The following ASNS variants were observed in gnomAD, a reference collection of about 807,000 sequenced individuals.
ASNS encodes the protein asparagine synthetase (glutamine-hydrolyzing).
In ASNS, 37 loss-of-function variants were observed where a neutral mutation model predicts 62.6. The observed-to-expected ratio is 0.59, with a 90% confidence interval of 0.45 to 0.78. The LOEUF (loss-of-function observed/expected upper bound fraction) is 0.78, where lower values mean the gene tolerates loss of function less well. Ranked by LOEUF, ASNS falls within the 30% of genes least tolerant of loss-of-function variation. The probability of loss-of-function intolerance (pLI) is 0.00; values close to 1 mark genes in which losing one functional copy is unlikely to be tolerated. For missense variants in ASNS, 520 were observed against 682.4 expected, an observed-to-expected ratio of 0.76 and a Z score of 2.65; for synonymous variants, 207 against 237.9, an observed-to-expected ratio of 0.87 and a Z score of 1.19.
the ASNS span, among the ~76,000 whole-genome samples, chr7:97,927,717 C>G: frequency 1.3e-5 from 2 of 152,272 alleles, no homozygotes; most frequent in East Asian, 1.9e-4. Flanking sequence ...TTTCCGTGAT[C>G]GGCCCTGGAA....
the ASNS span, among the ~76,000 whole-genome samples, chr7:97,901,185 G>A: frequency 6.6e-6 from 1 of 152,150 alleles, no homozygotes; most frequent in East Asian, 1.9e-4. Context: ...AACTCTGAGG[G>A]AGTCTGTATC....
chr7:97,868,848 T>A, intron 3 of ASNS, 60 bp downstream of exon 3: 3 of 1,593,786 alleles, frequency 1.9e-6, no homozygotes, highest in Non-Finnish European at 2.6e-6. Context: ...TGTAACATCA[T>A]CGTAACCAAC....
At chr7:97,892,627 A>G in the ASNS span, among the ~76,000 whole-genome samples, 13 of 151,964 alleles carry the variant, frequency 8.6e-5, no homozygotes, top group East Asian at 1.9e-4. Flanking sequence ...CAAATACCCT[A>G]TCAGATACCC....
At chr7:97,853,825 C>T (rs1001035581) in intron 10 of ASNS, among the ~76,000 whole-genome samples, 8 of 152,104 alleles carry the variant, frequency 5.3e-5, no homozygotes, top group African/African-American at 1.4e-4. Flanking sequence ...ATACAATATG[C>T]GATATAAACC....
At chr7:97,873,102 GA>G (rs1394438789), upstream of ASNS, among the ~76,000 whole-genome samples, 1 of 152,324 alleles carries the variant, frequency 6.6e-6, no homozygotes, top group African/African-American at 2.4e-5. Context: ...ATTGATACAT[GA>G]AGCCAAAATA....
the ASNS span, among the ~76,000 whole-genome samples, chr7:97,896,741 C>CACACACACATATATATAT: frequency 5.1e-5 from 1 of 19,782 alleles, no homozygotes; most frequent in African/African-American, 1.1e-4. Context: ...CACACACACA[C>CACACACACATATATATAT]ATATATATAT....
chr7:97,879,758 C>T, the ASNS span, among the ~76,000 whole-genome samples: 4 of 152,194 alleles, frequency 2.6e-5, no homozygotes, highest in African/African-American at 9.6e-5. Context: ...GATTCCTGAC[C>T]CACAGAAACC....
chr7:97,899,530 C>A, the ASNS span, among the ~76,000 whole-genome samples: 1 of 152,322 alleles, frequency 6.6e-6, no homozygotes, highest in Non-Finnish European at 1.5e-5. Flanking sequence ...CAGAGATGTA[C>A]ACAAACATTA....
At chr7:97,917,740 G>C in the ASNS span, among the ~76,000 whole-genome samples, 1 of 152,142 alleles carries the variant, frequency 6.6e-6, no homozygotes, top group East Asian at 1.9e-4. Flanking sequence ...AGGTACTAGG[G>C]GTGGCTCTGG....
intron 1 of ASNS, chr7:97,870,183 C>A: frequency 1.0e-6 from 1 of 960,618 alleles, no homozygotes; most frequent in Non-Finnish European, 1.4e-6. Context: ...GGCATTTGGG[C>A]CCTGTTTGGC....
At chr7:97,856,609 G>A (rs1418108664) in intron 8 of ASNS, 81 bp downstream of exon 8, 1 of 1,249,472 alleles carries the variant, frequency 8.0e-7, no homozygotes, top group Non-Finnish European at 1.1e-6. Context: ...TAAAACTATG[G>A]CTTGAAATAA....
At chr7:97,925,025 T>C in the ASNS span, among the ~76,000 whole-genome samples, 4 of 152,116 alleles carry the variant, frequency 2.6e-5, no homozygotes, top group East Asian at 7.7e-4. Context: ...TAATCCCAGC[T>C]ACTCGGGAGG....
the ASNS span, among the ~76,000 whole-genome samples, chr7:97,899,670 A>G: frequency 6.6e-6 from 1 of 152,234 alleles, no homozygotes; most frequent in Non-Finnish European, 1.5e-5. Flanking sequence ...ATAGACTTCC[A>G]TCTGAATGAA....
Position 97,858,878 on chromosome 7 carries a change from T to C in ASNS, c.751A>G (p.Arg251Gly), listed in dbSNP as rs1451864949. Reference protein sequence around the residue: ...NAVKKRLMTDRRIGCLLSGGL... With the variant: ...NAVKKRLMTDGRIGCLLSGGL... ...CCTGATAAAAGGCAGCCAATCCTTC[T>C]GTCTGTCATCAAACGTTTCTTTACA... Residue 251 changes from arginine to glycine, a missense_variant, in exon 6 of 13, where the codon AGA (arginine) becomes GGA (glycine). Arg to Gly is a moderately radical substitution (Grantham distance 125, BLOSUM62 -2). Coordinates refer to ENST00000394308, the MANE Select transcript of ASNS (RefSeq NM_001673.5). 19 of 1,613,000 alleles carry C rather than the reference T, an allele frequency of 1.2e-5. No homozygotes were observed. The highest frequency in any genetic ancestry group is 1.6e-5 in the Non-Finnish European group (19 of 1,179,806).
At chr7:97,920,990 G>A in the ASNS span, among the ~76,000 whole-genome samples, 1 of 152,158 alleles carries the variant, frequency 6.6e-6, no homozygotes, top group African/African-American at 2.4e-5. Context: ...CCCTTGCCTG[G>A]AGACCCATCT....
chr7:97,895,083 A>G, the ASNS span, among the ~76,000 whole-genome samples: 1 of 152,274 alleles, frequency 6.6e-6, no homozygotes, highest in Admixed American at 6.5e-5. Context: ...AAATCAATAC[A>G]TGTGATACAT....
the ASNS span, among the ~76,000 whole-genome samples, chr7:97,882,625 TTAAATAAA>T: frequency 0.14 from 20,373 of 142,266 alleles, 1,755 homozygotes; most frequent in African/African-American, 0.24. Flanking sequence ...CAGAGAGAGA[TTAAATAAA>T]TAAATAAATA....
At chr7:97,876,987 G>A (rs1792452581), upstream of ASNS, among the ~76,000 whole-genome samples, 1 of 151,994 alleles carries the variant, frequency 6.6e-6, no homozygotes, top group South Asian at 2.1e-4. Context: ...AGACTCACTT[G>A]TTACAAATGG....
chr7:97,925,543 C>CCAT, the ASNS span, among the ~76,000 whole-genome samples: 1 of 152,052 alleles, frequency 6.6e-6, no homozygotes, highest in African/African-American at 2.4e-5. Flanking sequence ...CGGGACGGCC[C>CCAT]CACCACCACC....
Sources: allele counts gnomAD v4.1 joint callset (sites outside exome capture counted in the v4.1 genomes callset), GRCh38; gene constraint gnomAD v4.1.1; transcripts MANE v1.5; gene names NCBI Gene and HGNC (gene_info 2026-07-23, HGNC 2026-07-21).